The following CNTNAP2 variants were observed in gnomAD, a reference collection of about 807,000 sequenced individuals.
CNTNAP2 encodes contactin associated protein 2, also known as contactin-associated protein-like 2.
Under a neutral mutation model 155.2 loss-of-function variants are expected in CNTNAP2, and 98 were observed. The ratio of observed to expected loss-of-function variants is 0.63; its 90% CI spans 0.54 to 0.75. The LOEUF (loss-of-function observed/expected upper bound fraction) is 0.75. CNTNAP2 is among the 30% of genes least tolerant of loss of function. The pLI is 0.00. For missense variants in CNTNAP2, 1,727 were observed against 1,688.1 expected (o/e 1.02, Z -0.40); for synonymous variants, 651 against 631.2 (o/e 1.03, Z -0.47).
At chr7:147,555,853 A>G (rs989839472) in intron 11 of CNTNAP2, among the ~76,000 whole-genome samples, 6 of 152,210 alleles carry the variant, frequency 3.9e-5, no homozygotes, top group South Asian at 2.1e-4. Context: ...ATGGAACTCT[A>G]GCTCTTCTCC....
chr7:147,734,589 T>C (rs1344566619), intron 13 of CNTNAP2, among the ~76,000 whole-genome samples: 1 of 152,218 alleles, frequency 6.6e-6, no homozygotes, highest in Non-Finnish European at 1.5e-5. Flanking sequence ...TCAGAAGGAA[T>C]GGTACCAACT....
intron 18 of CNTNAP2, chr7:148,189,825 C>T (rs975545219): frequency 6.6e-6 from 1 of 152,160 alleles, no homozygotes; most frequent in African/African-American, 2.4e-5. Flanking sequence ...GACTTAAAAA[C>T]GGAAGGATCA....
chr7:147,651,395 A>G (rs1190805656), intron 13 of CNTNAP2, among the ~76,000 whole-genome samples: 1 of 152,252 alleles, frequency 6.6e-6, no homozygotes. Flanking sequence ...CTATGCAGCA[A>G]CACCTGGAAG....
At chr7:147,143,081 G>T (rs965931519) in intron 8 of CNTNAP2, among the ~76,000 whole-genome samples, 1 of 151,946 alleles carries the variant, frequency 6.6e-6, no homozygotes, top group Non-Finnish European at 1.5e-5. Flanking sequence ...CCTCATATCT[G>T]TACTCCTAAC....
At chr7:147,148,209 T>C (rs1801749779) in intron 8 of CNTNAP2, among the ~76,000 whole-genome samples, 1 of 151,008 alleles carries the variant, frequency 6.6e-6, no homozygotes, top group Non-Finnish European at 1.5e-5. Context: ...GCTAAAACGG[T>C]GAAACCCCGT....
At chr7:147,926,032 T>C (rs76986370) in intron 14 of CNTNAP2, among the ~76,000 whole-genome samples, 1 of 152,318 alleles carries the variant, frequency 6.6e-6, no homozygotes, top group African/African-American at 2.4e-5. Context: ...TAGAAGAATT[T>C]AGGGATGCTG....
intron 1 of CNTNAP2, among the ~76,000 whole-genome samples, chr7:146,357,980 A>G (rs1297919066): frequency 6.6e-6 from 1 of 150,756 alleles, no homozygotes; most frequent in Non-Finnish European, 1.5e-5. Context: ...CAAACACCAT[A>G]CCATTTTCTG....
At chr7:146,805,767 T>A (rs1374216152) in intron 2 of CNTNAP2, among the ~76,000 whole-genome samples, 2 of 152,162 alleles carry the variant, frequency 1.3e-5, no homozygotes, top group Admixed American at 6.5e-5. Context: ...AGGAGAGCAG[T>A]TGTAGAAAGT....
At chr7:146,253,966 A>G (rs1799797076) in intron 1 of CNTNAP2, among the ~76,000 whole-genome samples, 1 of 151,956 alleles carries the variant, frequency 6.6e-6, no homozygotes, top group Non-Finnish European at 1.5e-5. Flanking sequence ...GGAGGCTGAC[A>G]TGGGAGGATT....
At chr7:146,830,648 T>C (rs974887102) in intron 2 of CNTNAP2, among the ~76,000 whole-genome samples, 1 of 152,200 alleles carries the variant, frequency 6.6e-6, no homozygotes, top group South Asian at 2.1e-4. Context: ...ATGCGTTTCT[T>C]CAAAATGAGT....
intron 8 of CNTNAP2, among the ~76,000 whole-genome samples, chr7:147,274,277 T>C (rs1201067051): frequency 2.0e-5 from 3 of 152,256 alleles, no homozygotes; most frequent in East Asian, 1.9e-4. Flanking sequence ...ACCAATGTTA[T>C]ATAAGCATTC....
intron 8 of CNTNAP2, among the ~76,000 whole-genome samples, chr7:147,147,491 G>C (rs1339216447): frequency 6.6e-6 from 1 of 152,076 alleles, no homozygotes; most frequent in Non-Finnish European, 1.5e-5. Context: ...CAAAAACAAA[G>C]TGTGTCCCTT....
intron 15 of CNTNAP2, among the ~76,000 whole-genome samples, chr7:148,022,283 C>T (rs554064298): frequency 7.9e-5 from 12 of 151,950 alleles, no homozygotes; most frequent in African/African-American, 2.9e-4. Context: ...GCCCGGGAAA[C>T]GCGGTGAAAC....
At chr7:146,235,050 G>T (rs991044803) in intron 1 of CNTNAP2, among the ~76,000 whole-genome samples, 1 of 152,154 alleles carries the variant, frequency 6.6e-6, no homozygotes, top group Admixed American at 6.5e-5. Context: ...GCCTAGGAAA[G>T]TATGAACAGA....
intron 3 of CNTNAP2, among the ~76,000 whole-genome samples, chr7:146,900,192 TG>T (rs1795965091): frequency 6.6e-6 from 1 of 152,238 alleles, no homozygotes; most frequent in Non-Finnish European, 1.5e-5. Context: ...AGGAGCTTCC[TG>T]GCCATCGGGA....
In CNTNAP2 at chr7:147,180,043, A is replaced by T. The variant is rs572631390; in HGVS notation, c.1348+47534A>T. Among the ~76,000 whole-genome samples the T allele has an allele frequency of 2.8e-3, 425 of 152,230 alleles. 2 individuals are homozygous for T. Among genetic ancestry groups the T allele is most frequent in the Non-Finnish European group, 4.8e-3 (329 of 68,018 alleles). Reference sequence around the variant, plus strand: ...TTGATGAGTCATTTTACGAAGGGTGACCTGTTAAAGAATACCCAGGAACAG... The same window carrying T: ...TTGATGAGTCATTTTACGAAGGGTGTCCTGTTAAAGAATACCCAGGAACAG... On this transcript the variant is annotated intron_variant, in intron 8 of 23. Transcript: ENST00000361727.
chr7:147,525,091 C>T (rs189976728), intron 11 of CNTNAP2, among the ~76,000 whole-genome samples: 8 of 152,252 alleles, frequency 5.3e-5, no homozygotes, highest in East Asian at 3.9e-4. Flanking sequence ...GAGCCACAAA[C>T]GGGTGACAGA....
chr7:147,601,658 T>A (rs866381553), intron 12 of CNTNAP2, among the ~76,000 whole-genome samples: 7,911 of 139,922 alleles, frequency 0.057, 348 homozygotes, highest in Non-Finnish European at 0.07. Context: ...TATATATATA[T>A]ATATATATAT....
intron 18 of CNTNAP2, among the ~76,000 whole-genome samples, chr7:148,173,131 G>A (rs189088568): frequency 2.0e-5 from 3 of 152,234 alleles, no homozygotes; most frequent in South Asian, 2.1e-4. Context: ...AGTAGATTCC[G>A]CAGAGCCAAT....
Sources: gnomAD v4.1 joint callset for allele counts (sites outside exome capture counted in the v4.1 genomes callset) on GRCh38, gnomAD v4.1.1 for gene constraint, MANE v1.5 for transcripts, NCBI Gene and HGNC (gene_info 2026-07-23, HGNC 2026-07-21) for gene names.